SLC22A15: variants seen among roughly 807,000 people sequenced by gnomAD.
The protein encoded by SLC22A15 is solute carrier family 22 member 15, also known as flipt 1.
In SLC22A15, 45 loss-of-function variants were observed where a neutral mutation model predicts 62.7. The ratio of observed to expected loss-of-function variants is 0.72; its 90% confidence interval spans 0.56 to 0.92. The LOEUF is 0.92. Ranked by LOEUF, SLC22A15 falls within the 40% of genes least tolerant of loss-of-function variation. SLC22A15 has a pLI of 0.00. For synonymous variants in SLC22A15, 264 were observed against 267.0 expected (o/e 0.99, Z 0.11); for missense variants, 622 against 665.6 (o/e 0.93, Z 0.72).
intron 1 of SLC22A15, among the ~76,000 whole-genome samples, chr1:115,983,544 T>C (rs1170634610): frequency 1.3e-5 from 2 of 152,158 alleles, no homozygotes; most frequent in South Asian, 4.1e-4. Context: ...CGGGAGCTCG[T>C]TCAGCAGGCC....
chr1:116,066,617 C>T lies in SLC22A15; in HGVS notation c.1463C>T (p.Pro488Leu), dbSNP rs760362311. 5.0e-6 allele frequency: 8 copies of T among 1,611,056 alleles called. No individual in the cohort carries two copies. Among genetic ancestry groups the T allele is most frequent in the Admixed American group, 3.4e-5 (2 of 59,592 alleles). The change falls in exon 11 of 12, where the codon CCG becomes CTG. Residue 488 changes from proline (P) to leucine (L), a missense_variant. Coordinates refer to ENST00000369503, the MANE Select transcript of SLC22A15 (RefSeq NM_018420.3). ...TTATTGCCGGAGACCCTTAACAGTC[C>T]GCTGCTAGAAACATTCTCCGACCTT... is the stretch of plus-strand genomic sequence containing the variant. ...SLLLPETLNS[P>L]LLETFSDLQV...
intron 2 of SLC22A15, among the ~76,000 whole-genome samples, chr1:116,012,951 A>G (rs12354367): frequency 0.022 from 3,322 of 152,314 alleles, 124 homozygotes; most frequent in African/African-American, 0.076. Flanking sequence ...AAGTGATATT[A>G]TTCTCTACAG....
Position 116,067,077 on chromosome 1 carries a change from A to T in SLC22A15, c.1613A>T (p.Asp538Val), listed in dbSNP as rs1256047400. The change falls in exon 12 of 12, where the codon GAT becomes GTT. Residue 538 changes from aspartate to valine, a missense_variant. Coordinates refer to ENST00000369503, the MANE Select transcript of SLC22A15 (RefSeq NM_018420.3). ...SESEEEEEFY[D>V]ADEETQMIK ...AGTGAGGAAGAGGAAGAATTTTATG[A>T]TGCAGATGAAGAGACTCAGATGATC... is the stretch of plus-strand genomic sequence containing the variant. The T allele has an allele frequency of 1.2e-6, 2 of 1,612,316 alleles. No individual in the cohort carries two copies. The highest frequency in any genetic ancestry group is 2.7e-5 in the African/African-American group (2 of 74,886).
rs1480192204 is a variant in SLC22A15, at chr1:116,055,176, AAAGAGAGAAGAAT to A, written c.1172-7585_1172-7573del. Among the ~76,000 whole-genome samples, 7 of 151,146 alleles carry A rather than the reference AAAGAGAGAAGAAT, an allele frequency of 4.6e-5. No homozygotes were observed. The East Asian group carries it at 9.7e-4, about 21-fold the overall frequency. On this transcript the variant is annotated intron_variant, in intron 8 of 11. Transcript: ENST00000369503. Reference sequence around the variant, plus strand: ...CCGCTAGCAAGACTAATAAAGAAAAAAAGAGAGAAGAATCAAATAGACGCAATAAAAAATGATA... The same window carrying A: ...CCGCTAGCAAGACTAATAAAGAAAAACAAATAGACGCAATAAAAAATGATA...
chr1:116,046,961 C>T (rs1490684431), intron 8 of SLC22A15, among the ~76,000 whole-genome samples: 7 of 152,078 alleles, frequency 4.6e-5, no homozygotes, highest in Admixed American at 3.9e-4. Context: ...AGACCTGACC[C>T]GACCTGACAG....
intron 2 of SLC22A15, among the ~76,000 whole-genome samples, chr1:115,997,274 G>T (rs1655476665): frequency 6.6e-6 from 1 of 151,906 alleles, no homozygotes; most frequent in Admixed American, 6.6e-5. Flanking sequence ...GGATGGCTTT[G>T]GCTATTCTGG....
At chr1:115,992,904 C>T (rs1016426675) in intron 2 of SLC22A15, among the ~76,000 whole-genome samples, 1 of 152,118 alleles carries the variant, frequency 6.6e-6, no homozygotes, top group African/African-American at 2.4e-5. Context: ...GGATTACAGG[C>T]ATGAGCCACC....
intron 1 of SLC22A15, among the ~76,000 whole-genome samples, chr1:115,989,610 G>A (rs569675115): frequency 7.4e-4 from 113 of 152,034 alleles, no homozygotes; most frequent in African/African-American, 2.0e-3. Context: ...GTGAAACCTC[G>A]TCTCTACTAA....
chr1:116,025,933 C>T (rs904606907), intron 4 of SLC22A15, among the ~76,000 whole-genome samples: 1 of 152,144 alleles, frequency 6.6e-6, no homozygotes, highest in Non-Finnish European at 1.5e-5. Flanking sequence ...TTTCAAAAAG[C>T]GTAAGGTTCT....
intron 1 of SLC22A15, among the ~76,000 whole-genome samples, chr1:115,981,323 A>G (rs1054348509): frequency 2.6e-5 from 4 of 152,218 alleles, no homozygotes; most frequent in Admixed American, 1.3e-4. Context: ...AGTCCAAAAC[A>G]TGTGGCCATT....
At chr1:116,057,103 A>G (rs1273469453) in intron 8 of SLC22A15, among the ~76,000 whole-genome samples, 2 of 152,098 alleles carry the variant, frequency 1.3e-5, no homozygotes, top group Admixed American at 6.6e-5. Flanking sequence ...GGAAACTACC[A>G]TCAGAGTGAA....
intron 2 of SLC22A15, among the ~76,000 whole-genome samples, chr1:116,004,900 T>C (rs1655902349): frequency 6.6e-6 from 1 of 152,188 alleles, no homozygotes; most frequent in Admixed American, 6.5e-5. Context: ...GTTGTGGTTG[T>C]TTGTACTTTT....
chr1:116,052,262 G>A (rs1226762108), intron 8 of SLC22A15, among the ~76,000 whole-genome samples: 3 of 152,242 alleles, frequency 2.0e-5, no homozygotes, highest in East Asian at 3.9e-4. Context: ...ACCTGGCTCG[G>A]AGGGTCCTAC....
intron 2 of SLC22A15, among the ~76,000 whole-genome samples, chr1:115,994,026 G>T (rs2486081): frequency 0.078 from 11,834 of 152,120 alleles, 575 homozygotes; most frequent in Admixed American, 0.12. Context: ...AACTCCCCAG[G>T]AGAAAATACG....
chr1:115,986,860 G>A (rs973926713), intron 1 of SLC22A15, among the ~76,000 whole-genome samples: 6 of 152,174 alleles, frequency 3.9e-5, no homozygotes, highest in South Asian at 2.1e-4. Context: ...TACCATTAGC[G>A]TCTGGTCTTA....
intron 2 of SLC22A15, among the ~76,000 whole-genome samples, chr1:115,998,184 A>G (rs923170825): frequency 1.3e-5 from 2 of 152,082 alleles, no homozygotes; most frequent in Non-Finnish European, 2.9e-5. Flanking sequence ...TTGGTTTGCT[A>G]GTATTTTGTT....
At position 115,987,677 on chromosome 1, in the gene SLC22A15, G is replaced by T. The variant is rs113026532; in HGVS notation, c.88-4354G>T. On this transcript the variant is annotated intron_variant, in intron 1 of 11. Transcript: ENST00000369503. ...GTAATGCTTTTGATTGAGTCAATTA[G>T]GTAACTGAGTACTAAATGCATAAAA... is the stretch of plus-strand genomic sequence containing the variant. Among the ~76,000 whole-genome samples, 91 of 152,158 alleles carry T rather than the reference G, an allele frequency of 6.0e-4. 1 individual carries two copies. The highest frequency in any genetic ancestry group is 2.1e-3 in the African/African-American group (87 of 41,490).
In SLC22A15 at chr1:116,011,060, G is replaced by A. The variant is rs571146404; in HGVS notation, c.301-8522G>A. ...GTGCGTCCTCCTTTCAGAGAAGGCT[G>A]TGTTGGGACTAGTGAACTATGTGGG... On this transcript the variant is annotated intron_variant, in intron 2 of 11. Transcript: ENST00000369503. Among the ~76,000 whole-genome samples, 211 of 152,292 alleles carry A rather than the reference G, an allele frequency of 1.4e-3. 7 individuals are homozygous for A. The South Asian group carries it at 0.043, about 31-fold the overall frequency.
intron 8 of SLC22A15, among the ~76,000 whole-genome samples, chr1:116,053,325 G>A (rs1658113144): frequency 1.3e-5 from 2 of 152,154 alleles, no homozygotes; most frequent in Non-Finnish European, 2.9e-5. Flanking sequence ...TGAAATGAAT[G>A]AAATGAAGTG....
Sources: gnomAD v4.1 joint callset for allele counts (sites outside exome capture counted in the v4.1 genomes callset) on GRCh38, gnomAD v4.1.1 for gene constraint, MANE v1.5 for transcripts, NCBI Gene and HGNC (gene_info 2026-07-23, HGNC 2026-07-21) for gene names.